The following NOS1 variants were observed in gnomAD, a reference collection of about 807,000 sequenced individuals.
The protein encoded by NOS1 is nitric oxide synthase 1, also known as NOS type I.
NOS1 carries 51 observed loss-of-function variants against 164.5 expected under a neutral mutation model. That is an observed-to-expected ratio of 0.31 (90% CI 0.25 to 0.39). The LOEUF (loss-of-function observed/expected upper bound fraction) is 0.39. Ranked by LOEUF, NOS1 falls within the 10% of genes least tolerant of loss-of-function variation. NOS1 has a pLI of 1.00. For synonymous variants in NOS1, 719 were observed against 745.8 expected (o/e 0.96, Z 0.59); for missense variants, 1,362 against 1,885.6 (o/e 0.72, Z 5.14).
rs1300620162 is a variant in NOS1 at position 117,234,777 on chromosome 12, G to A, written c.3042-19C>T. The A allele has an allele frequency of 2.5e-6, 4 of 1,598,098 alleles. No homozygotes were observed. Among genetic ancestry groups the A allele is most frequent in the Non-Finnish European group, 3.4e-6 (4 of 1,168,494 alleles). ...TGACCGACTGCAGGAAATTGCAGAG[G>A]AATCATAGGACAAGGGCCAGCAGCT... On this transcript the variant is annotated intron_variant, in intron 20 of 28. Transcript: ENST00000317775. The surrounding 1 kb of genome is among the most constrained non-coding windows in gnomAD (Gnocchi z 4.3).
Position 117,247,346 on chromosome 12 carries a change from A to G in NOS1, c.2823+2T>C. On this transcript the variant is annotated splice_donor_variant, in intron 18 of 28. Transcript: ENST00000317775. LOFTEE classifies it high-confidence loss of function. ...CCTGTAGGTCCATGAGATCCAGATT[A>G]CCTTGAAGACCTTCTTGGCCCAGGT... is the stretch of plus-strand genomic sequence containing the variant. The G allele has an allele frequency of 6.3e-7, 1 of 1,593,344 alleles. No individual in the cohort carries two copies. Among genetic ancestry groups the G allele is most frequent in the Non-Finnish European group, 8.5e-7 (1 of 1,170,384 alleles).
chr12:117,208,407 T>C lies in NOS1; in HGVS notation c.*6902A>G, dbSNP rs1442467845. The stretch of plus-strand genomic sequence containing the variant: ...TTCTGACAGCGTGTGTGTGTGTGTG[T>C]GTGTGTGTGTGTGTGGTGAGATGCG... On this transcript the variant is annotated 3_prime_UTR_variant, in exon 29 of 29. Coordinates refer to ENST00000317775, the MANE Select transcript of NOS1 (RefSeq NM_000620.5). 9 of 1,285,762 alleles carry C rather than the reference T, an allele frequency of 7.0e-6. No individual in the cohort carries two copies. Among genetic ancestry groups the C allele is most frequent in the Middle Eastern group, 3.1e-4 (1 of 3,256 alleles). 79.6% of individuals were successfully genotyped at this position (1,285,762 alleles called of 1,614,324 possible).
rs548436375 is a variant in NOS1, at chr12:117,261,435, C to T, written c.2223-826G>A. Among the ~76,000 whole-genome samples the T allele has an allele frequency of 4.0e-5, 6 of 151,890 alleles. No individual in the cohort carries two copies. The South Asian group carries it at 8.4e-4, about 21-fold the overall frequency. On this transcript the variant is annotated intron_variant, in intron 13 of 28. Coordinates refer to ENST00000317775, the MANE Select transcript of NOS1 (RefSeq NM_000620.5). ...CAGAGAACATAGCTATGGAATGCAG[C>T]TGTCATAGGGCTCATATTCTAATGT...
chr12:117,272,609 C>T lies in NOS1; in HGVS notation c.1665-50G>A, dbSNP rs372479905. On this transcript the variant is annotated intron_variant, in intron 9 of 28. Transcript: ENST00000317775. This position sits in a 1 kb window ranked among gnomAD's most constrained non-coding sequence, Gnocchi z 4.3. ...TCACCCGGAGCAGGTGTCTCATGGG[C>T]GGGACAGCTTGAATCTAGAGATGCT... The T allele has an allele frequency of 1.8e-5, 28 of 1,559,314 alleles. No homozygotes were observed. In the East Asian group the frequency reaches 3.2e-4, roughly 18 times the overall value.
intron 11 of NOS1, among the ~76,000 whole-genome samples, chr12:117,267,535 C>T (rs193188534): frequency 3.3e-5 from 5 of 150,300 alleles, no homozygotes; most frequent in South Asian, 2.1e-4. Flanking sequence ...TGCAGTGAGT[C>T]GAGATTGTGC....
chr12:117,292,237 A>G (rs1873109964), intron 3 of NOS1, among the ~76,000 whole-genome samples: 1 of 152,214 alleles, frequency 6.6e-6, no homozygotes, highest in African/African-American at 2.4e-5. Flanking sequence ...CCAGGTGATG[A>G]TAAGAATAGA....
At chr12:117,358,448 T>A (rs566741154) in intron 1 of NOS1, among the ~76,000 whole-genome samples, 1 of 152,316 alleles carries the variant, frequency 6.6e-6, no homozygotes, top group South Asian at 2.1e-4. Context: ...AGCGGGCTGC[T>A]CTGAAAGCCA....
chr12:117,320,775 C>T (rs1388918946), intron 2 of NOS1, among the ~76,000 whole-genome samples: 1 of 152,256 alleles, frequency 6.6e-6, no homozygotes, highest in African/African-American at 2.4e-5. Context: ...TTGCACGTCC[C>T]AACCCTGTTC....
intron 1 of NOS1, chr12:117,348,463 C>G (rs771942757): frequency 6.6e-6 from 1 of 152,138 alleles, no homozygotes; most frequent in Non-Finnish European, 1.5e-5. Context: ...CATGAAGTAA[C>G]GTCATGTTTC....
intron 17 of NOS1, 84 bp from the exon 18 acceptor site, chr12:117,247,606 C>G (rs577171298): frequency 8.1e-7 from 1 of 1,234,834 alleles, no homozygotes; most frequent in East Asian, 2.6e-5. Flanking sequence ...AAACTGTGTC[C>G]CCCCAAATTT....
At position 117,260,745 on chromosome 12, in the gene NOS1, G is replaced by A. The variant is rs1189428407; in HGVS notation, c.2223-136C>T. 9 of 868,218 alleles carry A rather than the reference G, an allele frequency of 1.0e-5. No individual in the cohort carries two copies. In the East Asian group the frequency reaches 2.2e-4, roughly 21 times the overall value. 53.8% of individuals were successfully genotyped at this position (868,218 alleles called of 1,614,324 possible). The stretch of plus-strand genomic sequence containing the variant: ...ACTCTCTTGATCTTTGATGGCTTCA[G>A]GGGTTTCCTCAGAGGCACTTGAAGT... On this transcript the variant is annotated intron_variant, in intron 13 of 28. Coordinates refer to ENST00000317775, the MANE Select transcript of NOS1 (RefSeq NM_000620.5).
intron 22 of NOS1, among the ~76,000 whole-genome samples, chr12:117,229,566 ATCT>A (rs1271377697): frequency 4.0e-5 from 4 of 100,178 alleles, no homozygotes; most frequent in Admixed American, 1.5e-4. Flanking sequence ...AAATTCTTCT[ATCT>A]ATCTATCTAT....
intron 7 of NOS1, among the ~76,000 whole-genome samples, chr12:117,283,254 G>T (rs988608703): frequency 3.3e-5 from 5 of 151,826 alleles, no homozygotes; most frequent in African/African-American, 1.2e-4. Context: ...TAGAGATGGG[G>T]TTTCACCATA....
At chr12:117,316,369 C>T (rs1195395060) in intron 2 of NOS1, among the ~76,000 whole-genome samples, 1 of 152,062 alleles carries the variant, frequency 6.6e-6, no homozygotes, top group Non-Finnish European at 1.5e-5. Flanking sequence ...CATTCTTGGC[C>T]CTGATCTCTT....
intron 7 of NOS1, among the ~76,000 whole-genome samples, chr12:117,283,054 A>ATTTT (rs1383049926): frequency 1.7e-3 from 167 of 101,076 alleles, no homozygotes; most frequent in African/African-American, 6.5e-3. Flanking sequence ...ATATATATAT[A>ATTTT]TATTTTTTTT....
chr12:117,302,001 A>G (rs552525835), intron 3 of NOS1: 1 of 456,732 alleles, frequency 2.2e-6, no homozygotes, highest in South Asian at 1.5e-5. Flanking sequence ...TTCAAATCCC[A>G]TCTCCAACAC....
intron 14 of NOS1, 144 bp from the exon 15 acceptor site, chr12:117,259,274 G>A: frequency 1.6e-6 from 1 of 616,556 alleles, no homozygotes; most frequent in South Asian, 2.0e-5. Context: ...ATCTCCTTTG[G>A]AAGGAGAACC....
chr12:117,252,551 T>C (rs977898104), intron 17 of NOS1, among the ~76,000 whole-genome samples: 12 of 152,148 alleles, frequency 7.9e-5, no homozygotes, highest in Admixed American at 7.2e-4. Flanking sequence ...TAAAGTAAAC[T>C]ATGGACTGTG....
intron 3 of NOS1, among the ~76,000 whole-genome samples, chr12:117,301,049 A>G (rs573138744): frequency 1.3e-3 from 196 of 152,154 alleles, no homozygotes; most frequent in Non-Finnish European, 2.5e-3. Context: ...TGAAAGTAGA[A>G]GTTTTCAGAA....
Sources: gnomAD v4.1 joint callset for allele counts (sites outside exome capture counted in the v4.1 genomes callset) on GRCh38, gnomAD v4.1.1 for gene constraint, Gnocchi (gnomAD v3.1) non-coding constraint, MANE v1.5 for transcripts, NCBI Gene and HGNC (gene_info 2026-07-23, HGNC 2026-07-21) for gene names.